Variants in ATG7 observed in about 807,000 individuals in gnomAD.
The protein encoded by ATG7 is autophagy related 7, also known as ubiquitin-like modifier-activating enzyme ATG7.
ATG7 carries 70 observed loss-of-function variants against 82.4 expected under a neutral mutation model. That is an observed-to-expected ratio of 0.85 (90% CI 0.70 to 1.04). The LOEUF is 1.04. Among genes scored for constraint, ATG7 ranks in the 50% least tolerant of loss-of-function variants. The pLI is 0.00. For synonymous variants in ATG7, 287 were observed against 313.0 expected (o/e 0.92, Z 0.88); for missense variants, 792 against 864.3 (o/e 0.92, Z 1.05).
chr3:11,500,043 A>G (rs1244424088), intron 20 of ATG7, among the ~76,000 whole-genome samples: 1 of 152,220 alleles, frequency 6.6e-6, no homozygotes, highest in Non-Finnish European at 1.5e-5. Context: ...AATAAAATCC[A>G]TTTTAACATC....
At chr3:11,289,197 T>A (rs917958395) in intron 3 of ATG7, among the ~76,000 whole-genome samples, 1 of 152,222 alleles carries the variant, frequency 6.6e-6, no homozygotes, top group Non-Finnish European at 1.5e-5. Flanking sequence ...ACTTGCACTG[T>A]CCAGGGTTAT....
chr3:11,345,909 A>C (rs1049207077), intron 13 of ATG7, among the ~76,000 whole-genome samples: 1 of 152,248 alleles, frequency 6.6e-6, no homozygotes, highest in African/African-American at 2.4e-5. Context: ...AAAGTCATAA[A>C]GCAGGAAAGA....
At chr3:11,437,699 T>C (rs999228684) in intron 20 of ATG7, among the ~76,000 whole-genome samples, 3 of 152,184 alleles carry the variant, frequency 2.0e-5, no homozygotes, top group Non-Finnish European at 4.4e-5. Context: ...GTGGTTTATC[T>C]CTCTGTGTAC....
chr3:11,530,984 AAAT>A (rs903125050), intron 20 of ATG7, among the ~76,000 whole-genome samples: 12 of 152,238 alleles, frequency 7.9e-5, no homozygotes, highest in African/African-American at 2.4e-4. Flanking sequence ...CTATCTCGGA[AAAT>A]AATAATAATA....
chr3:11,568,149 C>T, the ATG7 span, among the ~76,000 whole-genome samples: 1 of 152,192 alleles, frequency 6.6e-6, no homozygotes, highest in African/African-American at 2.4e-5. This position sits in a 1 kb window ranked among gnomAD's most constrained non-coding sequence, Gnocchi z 5.9. Context: ...ATAAAGACAC[C>T]CCCGGGTGGC....
intron 20 of ATG7, among the ~76,000 whole-genome samples, chr3:11,506,735 C>CT (rs2091754235): frequency 6.6e-6 from 1 of 151,920 alleles, no homozygotes; most frequent in Non-Finnish European, 1.5e-5. Context: ...GAGCGAGACT[C>CT]TGTCTGAAAA....
At chr3:11,512,633 C>T (rs1001109814) in intron 20 of ATG7, among the ~76,000 whole-genome samples, 9 of 152,166 alleles carry the variant, frequency 5.9e-5, no homozygotes, top group African/African-American at 2.2e-4. Flanking sequence ...TTCGTGGTCT[C>T]GCTGGCTTCA....
chr3:11,493,370 A>T (rs2090555542), intron 20 of ATG7, among the ~76,000 whole-genome samples: 1 of 152,168 alleles, frequency 6.6e-6, no homozygotes. Flanking sequence ...TAGACACAGG[A>T]TGGGGGGACA....
chr3:11,455,231 C>A (rs1453225069), intron 20 of ATG7, among the ~76,000 whole-genome samples: 1 of 152,146 alleles, frequency 6.6e-6, no homozygotes, highest in Non-Finnish European at 1.5e-5. Context: ...TTTCATGAAG[C>A]AAGTTATTGA....
the ATG7 span, among the ~76,000 whole-genome samples, chr3:11,564,405 A>ACC: frequency 0.042 from 6,401 of 151,130 alleles, 319 homozygotes; most frequent in Admixed American, 0.12. Context: ...GAAACGTAGG[A>ACC]CCCCCCCACC....
intron 20 of ATG7, among the ~76,000 whole-genome samples, chr3:11,530,643 C>T (rs1050575640): frequency 6.6e-6 from 1 of 152,150 alleles, no homozygotes; most frequent in Non-Finnish European, 1.5e-5. Context: ...CCCCACTGAG[C>T]CAGTATCTTT....
intron 20 of ATG7, among the ~76,000 whole-genome samples, chr3:11,554,050 G>A (rs1223022396): frequency 6.6e-6 from 1 of 152,164 alleles, no homozygotes; most frequent in Non-Finnish European, 1.5e-5. Flanking sequence ...CTCTCTCCCT[G>A]GGGGCTGACA....
intron 9 of ATG7, among the ~76,000 whole-genome samples, chr3:11,315,716 C>T (rs1305918330): frequency 6.6e-6 from 1 of 152,052 alleles, no homozygotes; most frequent in Admixed American, 6.6e-5. Flanking sequence ...AATTTTGATA[C>T]CTTACTCTTT....
In ATG7 at chr3:11,415,758, CTTT is replaced by C. The variant is rs58976243; in HGVS notation, c.1957-11032_1957-11030del. On this transcript the variant is annotated intron_variant, in intron 19 of 20. Coordinates refer to ENST00000693202, the MANE Select transcript of ATG7 (RefSeq NM_001349232.2). ...ATGCCTTCTTCTGGAATGCAGTTAACTTTTTTTTTTTTTTTTAAATAAGTAGAG... is the reference window on the plus strand; with the variant it reads ...ATGCCTTCTTCTGGAATGCAGTTAACTTTTTTTTTTTTTAAATAAGTAGAG... Among the ~76,000 whole-genome samples, 439 of 146,610 alleles carry C rather than the reference CTTT, an allele frequency of 3.0e-3. 1 individual carries two copies. Among genetic ancestry groups the C allele is most frequent in the African/African-American group, 0.01 (406 of 40,180 alleles).
chr3:11,549,282 G>T (rs1168481281), intron 20 of ATG7, among the ~76,000 whole-genome samples: 1 of 152,120 alleles, frequency 6.6e-6, no homozygotes. Flanking sequence ...AGTGTGTAAG[G>T]TATCTTTATA....
chr3:11,349,303 C>T lies in ATG7; in HGVS notation c.1284+1268C>T, dbSNP rs565282963. On this transcript the variant is annotated intron_variant, in intron 14 of 20. Transcript: ENST00000693202. ...CACCTCTCACTAGCACTTTGGGAGG[C>T]TAAGGCAGGAGGCTTACTTGAGCCC... Among the ~76,000 whole-genome samples, 55 of 152,320 alleles carry T rather than the reference C, an allele frequency of 3.6e-4. 1 individual carries two copies. The South Asian group carries it at 0.011, about 30-fold the overall frequency.
intron 9 of ATG7, among the ~76,000 whole-genome samples, chr3:11,321,920 C>G (rs1016188107): frequency 6.6e-6 from 1 of 152,126 alleles, no homozygotes. Flanking sequence ...TTTAAGGTCC[C>G]GAGTCACACA....
chr3:11,485,407 A>C (rs2089506080), intron 20 of ATG7, among the ~76,000 whole-genome samples: 1 of 151,970 alleles, frequency 6.6e-6, no homozygotes, highest in Non-Finnish European at 1.5e-5. Flanking sequence ...TTTCTTGTAA[A>C]TTTGTTTGAG....
chr3:11,432,252 G>A (rs1406496888), intron 20 of ATG7, among the ~76,000 whole-genome samples: 2 of 152,118 alleles, frequency 1.3e-5, no homozygotes, highest in Non-Finnish European at 2.9e-5. Flanking sequence ...CTAGTAAATG[G>A]ATTTAGCTAG....
Sources: allele counts gnomAD v4.1 joint callset (sites outside exome capture counted in the v4.1 genomes callset), GRCh38; gene constraint gnomAD v4.1.1; non-coding constraint Gnocchi (gnomAD v3.1); transcripts MANE v1.5; gene names NCBI Gene and HGNC (gene_info 2026-07-23, HGNC 2026-07-21).